The following RNF169 variants were observed in gnomAD, a reference collection of about 807,000 sequenced individuals.
RNF169 encodes ring finger protein 169.
A neutral mutation model predicts 53.9 loss-of-function variants in RNF169; 24 were observed. The observed-to-expected ratio is 0.45, with a 90% confidence interval of 0.32 to 0.63. The LOEUF is 0.63. RNF169 is among the 20% of genes least tolerant of loss of function. The pLI is 0.04. For synonymous variants in RNF169, 396 were observed against 363.5 expected, an observed-to-expected ratio of 1.09 and a Z score of -1.02; for missense variants, 883 against 906.2, an observed-to-expected ratio of 0.97 and a Z score of 0.33.
intron 1 of RNF169, among the ~76,000 whole-genome samples, chr11:74,787,796 A>G (rs186071719): frequency 4.1e-4 from 62 of 152,322 alleles, no homozygotes; most frequent in East Asian, 1.9e-3. Context: ...GATTCTAGCA[A>G]TTTATCCTAT....
rs1018543763 is a variant in RNF169, at chr11:74,841,087, T to A, written c.*4357T>A. On this transcript the variant is annotated 3_prime_UTR_variant, in exon 6 of 6. Transcript: ENST00000299563. ...GAATGTGGAATCTTGGAAAGTGATA[T>A]ATTTTGATTGGAATAATTTTAATTA... is the stretch of plus-strand genomic sequence containing the variant. The A allele has an allele frequency of 1.3e-5, 2 of 152,152 alleles. No individual in the cohort carries two copies. Among genetic ancestry groups the A allele is most frequent in the African/African-American group, 4.8e-5 (2 of 41,438 alleles). The allele number at this position is 152,152 out of a possible 1,614,324, so 9.4% of individuals were successfully genotyped here.
At chr11:74,762,250 T>C (rs2035096779) in intron 1 of RNF169, among the ~76,000 whole-genome samples, 1 of 150,466 alleles carries the variant, frequency 6.6e-6, no homozygotes, top group East Asian at 2.0e-4. Flanking sequence ...TTGGTTTGAA[T>C]GTCCTCCCGT....
chr11:74,784,471 G>A (rs924180267), intron 1 of RNF169, among the ~76,000 whole-genome samples: 11 of 152,210 alleles, frequency 7.2e-5, no homozygotes, highest in African/African-American at 2.7e-4. Context: ...GGGAGAAGGT[G>A]TGTGGGACAA....
chr11:74,748,974 G>C lies in RNF169; in HGVS notation c.94G>C (p.Ala32Pro), dbSNP rs1469107630. 12 of 1,481,136 alleles carry C rather than the reference G, an allele frequency of 8.1e-6. No individual in the cohort carries two copies. Among genetic ancestry groups the C allele is most frequent in the Non-Finnish European group, 1.1e-5 (12 of 1,107,120 alleles). The allele number at this position is 1,481,136 out of a possible 1,614,324, so 91.7% of individuals were successfully genotyped here. A position where few individuals can be genotyped will look rare whatever the true frequency, so the allele number is the denominator to read the frequency against. ...CCGGCGGGGCCGCTGTGACGAGACG[G>C]CGGCAGCTAAGACTGGGGCCCCAGG... ...RGRRGRCDET[A>P]AAKTGAPGPA... The change falls in exon 1 of 6, where the codon GCG becomes CCG. Residue 32 changes from alanine to proline, a missense_variant. Physicochemically the swap from Ala to Pro is conservative, Grantham distance 27. Coordinates refer to ENST00000299563, the MANE Select transcript of RNF169 (RefSeq NM_001098638.2).
At chr11:74,794,464 T>G (rs1160366362) in intron 2 of RNF169, among the ~76,000 whole-genome samples, 2 of 152,238 alleles carry the variant, frequency 1.3e-5, no homozygotes, top group African/African-American at 4.8e-5. Context: ...AAAGTAGGAT[T>G]GCTAGCATAT....
At chr11:74,814,526 C>G (rs371097972) in intron 3 of RNF169, among the ~76,000 whole-genome samples, 1 of 151,192 alleles carries the variant, frequency 6.6e-6, no homozygotes. Flanking sequence ...GGACCACAGG[C>G]GCCTATTACA....
intron 1 of RNF169, among the ~76,000 whole-genome samples, chr11:74,778,587 GGCTTTACATACAGGGA>G (rs2035370417): frequency 6.6e-6 from 1 of 152,188 alleles, no homozygotes; most frequent in African/African-American, 2.4e-5. Context: ...TTTTCCTGGG[GGCTTTACATACAGGGA>G]GAGACTCCAG....
chr11:74,808,598 C>T (rs545241371), intron 2 of RNF169, among the ~76,000 whole-genome samples: 35 of 152,338 alleles, frequency 2.3e-4, no homozygotes, highest in Non-Finnish European at 4.4e-4. Context: ...AACACTTAAA[C>T]CTTAGTTTTC....
chr11:74,795,310 C>T (rs1465512727), intron 2 of RNF169, among the ~76,000 whole-genome samples: 7 of 150,486 alleles, frequency 4.7e-5, no homozygotes, highest in South Asian at 2.1e-4. Context: ...GCCTTTGTCT[C>T]CTGGGCTCAA....
chr11:74,769,272 C>T (rs2035223224), intron 1 of RNF169, among the ~76,000 whole-genome samples: 1 of 152,132 alleles, frequency 6.6e-6, no homozygotes, highest in Middle Eastern at 3.2e-3. Flanking sequence ...GAATGATACG[C>T]AACAGCATTA....
At position 74,758,784 on chromosome 11, in the gene RNF169, G is replaced by C. The variant is rs561027857; in HGVS notation, c.502+9402G>C. On this transcript the variant is annotated intron_variant, in intron 1 of 5. Transcript: ENST00000299563. The stretch of plus-strand genomic sequence containing the variant: ...CTCCCAAAGTGCTGGGATTACAGGC[G>C]TGAGCCACCGCGCCCGGCCGTCCAT... Among the ~76,000 whole-genome samples, 13 of 152,252 alleles carry C rather than the reference G, an allele frequency of 8.5e-5. No homozygotes were observed. In the East Asian group the frequency reaches 2.5e-3, roughly 29 times the overall value.
At chr11:74,832,556 C>G (rs931918935) in intron 4 of RNF169, 4 of 152,176 alleles carry the variant, frequency 2.6e-5, no homozygotes, top group Non-Finnish European at 4.4e-5. Flanking sequence ...AACTTAAGGT[C>G]TAGATCCCGC....
intron 2 of RNF169, among the ~76,000 whole-genome samples, chr11:74,809,560 C>T (rs2035847470): frequency 6.6e-6 from 1 of 152,192 alleles, no homozygotes; most frequent in Admixed American, 6.5e-5. Flanking sequence ...GTGGCTCATG[C>T]CTGTAATCCA....
At chr11:74,821,222 C>G (rs982086376) in intron 4 of RNF169, among the ~76,000 whole-genome samples, 2 of 152,154 alleles carry the variant, frequency 1.3e-5, no homozygotes, top group African/African-American at 2.4e-5. Flanking sequence ...CTCCATTGTT[C>G]CAAAAAGATA....
intron 1 of RNF169, among the ~76,000 whole-genome samples, chr11:74,756,990 T>G (rs2034993796): frequency 6.6e-6 from 1 of 150,816 alleles, no homozygotes; most frequent in Non-Finnish European, 1.5e-5. Context: ...GAACGGCAAT[T>G]CTTTTATTTA....
intron 1 of RNF169, among the ~76,000 whole-genome samples, chr11:74,770,788 A>G (rs1015551211): frequency 2.0e-5 from 3 of 152,036 alleles, no homozygotes; most frequent in Admixed American, 1.3e-4. Flanking sequence ...ACGTTACCAC[A>G]TGCATTTTTC....
At position 74,810,183 on chromosome 11, in the gene RNF169, G is replaced by T; in HGVS notation, c.577-1G>T. On this transcript the variant is annotated splice_acceptor_variant, in intron 2 of 5. Coordinates refer to ENST00000299563, the MANE Select transcript of RNF169 (RefSeq NM_001098638.2). LOFTEE classifies it high-confidence loss of function. The stretch of plus-strand genomic sequence containing the variant: ...TGTGTTTGCATAATTTATATTTTTA[G>T]CTGAGAGAAGAAAAGTTACAAGAGG... 6.2e-7 allele frequency: 1 copy of T among 1,604,454 alleles called. No individual in the cohort carries two copies. The highest frequency in any genetic ancestry group is 8.5e-7 in the Non-Finnish European group (1 of 1,177,448).
Position 74,748,944 on chromosome 11 carries a change from CG to C in RNF169, c.68del (p.Gly23AlafsTer155). On this transcript the variant is annotated frameshift_variant, in exon 1 of 6. Transcript: ENST00000299563. LOFTEE classifies it high-confidence loss of function. The stretch of plus-strand genomic sequence containing the variant: ...GGCGGCAGCAGCCGCTCTGAGTCGG[CG>C]GGGCCGGCGGGGCCGCTGTGACGAG... ...SAAAAAALSR[R>X]GRRGRCDETA... The C allele has an allele frequency of 1.4e-6, 2 of 1,452,232 alleles. No individual in the cohort carries two copies. The highest frequency in any genetic ancestry group is 1.8e-6 in the Non-Finnish European group (2 of 1,089,864). 90.0% of individuals were successfully genotyped at this position (1,452,232 alleles called of 1,614,324 possible).
At chr11:74,760,482 AT>A (rs1447273692) in intron 1 of RNF169, among the ~76,000 whole-genome samples, 8 of 151,902 alleles carry the variant, frequency 5.3e-5, no homozygotes, top group Admixed American at 2.6e-4. Flanking sequence ...ACTGCTTTGA[AT>A]GCGTCCCAGA....
Sources: gnomAD v4.1 joint callset for allele counts (sites outside exome capture counted in the v4.1 genomes callset) on GRCh38, gnomAD v4.1.1 for gene constraint, MANE v1.5 for transcripts, NCBI Gene and HGNC (gene_info 2026-07-23, HGNC 2026-07-21) for gene names.